WDPCP: variants seen among roughly 807,000 people sequenced by gnomAD.
WDPCP encodes the protein WD repeat-containing and planar cell polarity effector protein fritz homolog.
A neutral mutation model predicts 93.1 loss-of-function variants in WDPCP; 71 were observed. The ratio of observed to expected loss-of-function variants is 0.76; its 90% CI spans 0.63 to 0.93. The LOEUF is 0.93. Ranked by LOEUF, WDPCP falls within the 40% of genes least tolerant of loss-of-function variation. The pLI is 0.00. For synonymous variants in WDPCP, 315 were observed against 315.0 expected (o/e 1.00, Z 0.00); for missense variants, 844 against 887.4 (o/e 0.95, Z 0.62).
chr2:63,143,476 C>T (rs906099233), intron 17 of WDPCP, among the ~76,000 whole-genome samples: 5 of 151,968 alleles, frequency 3.3e-5, no homozygotes, highest in African/African-American at 4.8e-5. Flanking sequence ...TTGTTGCCTG[C>T]GTACTTTGTT....
chr2:63,634,056 G>GA (rs1553447045), intron 3 of WDPCP, among the ~76,000 whole-genome samples: 1 of 151,558 alleles, frequency 6.6e-6, no homozygotes, highest in Non-Finnish European at 1.5e-5. Flanking sequence ...ATTCCATCTC[G>GA]AAAAAAGGGG....
At chr2:63,655,253 T>G (rs753937545) in intron 2 of WDPCP, among the ~76,000 whole-genome samples, 15 of 152,296 alleles carry the variant, frequency 9.8e-5, no homozygotes, top group Non-Finnish European at 1.6e-4. Flanking sequence ...TTTCACCAAA[T>G]GAGAACTTGG....
intron 15 of WDPCP, among the ~76,000 whole-genome samples, chr2:63,160,960 A>G (rs777625169): frequency 6.6e-6 from 1 of 152,230 alleles, no homozygotes; most frequent in African/African-American, 2.4e-5. Context: ...TGCTTATAGA[A>G]CCATAAGTAA....
At chr2:63,377,915 C>G in intron 12 of WDPCP, 1 of 158,374 alleles carries the variant, frequency 6.3e-6, no homozygotes, top group East Asian at 1.8e-4. Flanking sequence ...TTATTATACC[C>G]ATTTAAAGCA....
At chr2:63,519,259 G>A (rs1702763623) in intron 1 of WDPCP, 1 of 152,356 alleles carries the variant, frequency 6.6e-6, no homozygotes, top group Non-Finnish European at 1.5e-5. Flanking sequence ...CTGCCCTGCA[G>A]AGCCACTGCC....
intron 2 of WDPCP, among the ~76,000 whole-genome samples, chr2:63,776,815 C>T (rs1212667283): frequency 1.3e-5 from 2 of 151,944 alleles, no homozygotes; most frequent in Non-Finnish European, 2.9e-5. Context: ...ACAACATGGA[C>T]GAATCTGAAG....
At chr2:63,459,637 C>T (rs997862251) in intron 6 of WDPCP, among the ~76,000 whole-genome samples, 1 of 152,134 alleles carries the variant, frequency 6.6e-6, no homozygotes, top group East Asian at 1.9e-4. Flanking sequence ...AAAAGGAGGC[C>T]TGGCATGGTG....
intron 14 of WDPCP, among the ~76,000 whole-genome samples, chr2:63,205,756 C>A (rs542055190): frequency 6.6e-6 from 1 of 152,290 alleles, no homozygotes; most frequent in South Asian, 2.1e-4. Context: ...AGTGTAAGAT[C>A]ATAGCATCTG....
chr2:63,404,378 T>C lies in WDPCP; in HGVS notation c.1105A>G (p.Arg369Gly). Reference protein sequence around the residue: ...SSLILYETHRRVTLLAQTELL... With the variant: ...SSLILYETHRGVTLLAQTELL... ...TCAGTCTGTGCTAAGAGAGTCACTC[T>C]ACGGTGAGTTTCATAAAGAATTAGC... Residue 369 changes from arginine to glycine, a missense_variant, in exon 10 of 18, where the codon AGA becomes GGA. Physicochemically the swap from Arg to Gly is moderately radical, Grantham distance 125. Coordinates refer to ENST00000272321, the MANE Select transcript of WDPCP (RefSeq NM_015910.7). 6.2e-7 allele frequency: 1 copy of C among 1,614,216 alleles called. No homozygotes were observed. Among genetic ancestry groups the C allele is most frequent in the Non-Finnish European group, 8.5e-7 (1 of 1,180,022 alleles).
chr2:63,463,033 G>C (rs1000262520), intron 6 of WDPCP, among the ~76,000 whole-genome samples: 4 of 151,814 alleles, frequency 2.6e-5, no homozygotes, highest in African/African-American at 7.3e-5. Context: ...TGATAATCTA[G>C]AAGTTCAGAA....
the WDPCP span, among the ~76,000 whole-genome samples, chr2:63,840,140 C>A: frequency 6.6e-6 from 1 of 152,218 alleles, no homozygotes; most frequent in Non-Finnish European, 1.5e-5. Context: ...AAATCATCTG[C>A]CCTGGTGCGG....
At chr2:63,342,725 G>A (rs1356213128) in intron 12 of WDPCP, among the ~76,000 whole-genome samples, 1 of 151,976 alleles carries the variant, frequency 6.6e-6, no homozygotes, top group East Asian at 1.9e-4. Context: ...TTTAATTATT[G>A]TTTCATGTAT....
chr2:63,674,983 G>A (rs1433579613), intron 2 of WDPCP, among the ~76,000 whole-genome samples: 2 of 152,116 alleles, frequency 1.3e-5, no homozygotes, highest in African/African-American at 2.4e-5. Flanking sequence ...CCTGGCATGG[G>A]GCAGCAGCCT....
intron 9 of WDPCP, among the ~76,000 whole-genome samples, chr2:63,410,497 A>C (rs1260462649): frequency 7.2e-5 from 11 of 152,200 alleles, no homozygotes; most frequent in Non-Finnish European, 8.8e-5. Context: ...CCAAAAGTAC[A>C]CAGGCAACAA....
At chr2:63,195,843 C>T (rs1675391621) in intron 14 of WDPCP, among the ~76,000 whole-genome samples, 1 of 152,102 alleles carries the variant, frequency 6.6e-6, no homozygotes, top group South Asian at 2.1e-4. Flanking sequence ...ATAGACCATA[C>T]ATGGAACCAT....
chr2:63,588,480 T>G, upstream of WDPCP: 3 of 647,378 alleles, frequency 4.6e-6, no homozygotes, highest in Admixed American at 2.4e-5. Context: ...AACTTATCAA[T>G]TCCCCCGCCC....
intron 3 of WDPCP, among the ~76,000 whole-genome samples, chr2:63,636,720 C>G (rs1325533076): frequency 1.3e-5 from 2 of 152,152 alleles, no homozygotes; most frequent in African/African-American, 4.8e-5. Flanking sequence ...GGCCTAAAAA[C>G]AGACACACCA....
upstream of WDPCP, chr2:63,589,381 TA>T: frequency 6.4e-7 from 1 of 1,550,574 alleles, no homozygotes; most frequent in Non-Finnish European, 8.7e-7. Context: ...ATAAGGACGA[TA>T]AGGTTTGCGA....
chr2:63,608,703 C>T (rs989196598), intron 3 of WDPCP, among the ~76,000 whole-genome samples: 8 of 151,832 alleles, frequency 5.3e-5, no homozygotes, highest in South Asian at 2.1e-4. Flanking sequence ...CCAGCTACTC[C>T]GGAAAGTAAG....
Sources: gnomAD v4.1 joint callset for allele counts (sites outside exome capture counted in the v4.1 genomes callset) on GRCh38, gnomAD v4.1.1 for gene constraint, MANE v1.5 for transcripts, NCBI Gene and HGNC (gene_info 2026-07-23, HGNC 2026-07-21) for gene names.